GPC6: variants seen among roughly 807,000 people sequenced by gnomAD.
GPC6 encodes glypican-6.
In GPC6, 14 loss-of-function variants were observed where a neutral mutation model predicts 55.2. The observed-to-expected ratio is 0.25, with a 90% CI of 0.17 to 0.40. The LOEUF (loss-of-function observed/expected upper bound fraction) is 0.40, where lower values mean the gene tolerates loss of function less well. Among genes scored for constraint, GPC6 ranks in the 10% least tolerant of loss-of-function variants. The probability of loss-of-function intolerance (pLI) is 1.00; values close to 1 mark genes in which losing one functional copy is unlikely to be tolerated. For missense variants in GPC6, 641 were observed against 708.5 expected, an observed-to-expected ratio of 0.90 and a Z score of 1.08; for synonymous variants, 278 against 259.6, an observed-to-expected ratio of 1.07 and a Z score of -0.68.
upstream of GPC6, among the ~76,000 whole-genome samples, chr13:93,223,605 G>A (rs898271962): frequency 6.6e-6 from 1 of 151,772 alleles, no homozygotes; most frequent in African/African-American, 2.4e-5. Flanking sequence ...CATCACACCA[G>A]CGAATTTTTT....
chr13:94,150,662 C>T lies in GPC6; in HGVS notation c.877+122768C>T, dbSNP rs554526848. On this transcript the variant is annotated intron_variant, in intron 4 of 8. Transcript: ENST00000377047. ...GATAGGAAGCATTCTTTGATATCCA[C>T]GCTCCTAATAAATGTGGTTTAGCTG... 5.3e-5 allele frequency among the ~76,000 whole-genome samples: 8 copies of T among 151,738 alleles called. No homozygotes were observed. The South Asian group carries it at 8.3e-4, about 16-fold the overall frequency.
chr13:94,094,524 G>A (rs1174652144), intron 4 of GPC6, among the ~76,000 whole-genome samples: 1 of 152,110 alleles, frequency 6.6e-6, no homozygotes, highest in African/African-American at 2.4e-5. Flanking sequence ...TCCCATTGGT[G>A]ATGCCATTTC....
intron 3 of GPC6, among the ~76,000 whole-genome samples, chr13:94,020,682 T>C (rs1882661142): frequency 6.6e-6 from 1 of 152,192 alleles, no homozygotes. Flanking sequence ...TGTCCTTTTA[T>C]GGGTTCCCTT....
intron 6 of GPC6, among the ~76,000 whole-genome samples, chr13:94,341,526 C>T (rs1235773101): frequency 2.0e-5 from 3 of 148,270 alleles, no homozygotes; most frequent in South Asian, 2.1e-4. Flanking sequence ...TGGAGGTTGC[C>T]GTGAGACGAG....
chr13:93,365,127 T>C (rs968327637), intron 1 of GPC6, among the ~76,000 whole-genome samples: 1 of 152,148 alleles, frequency 6.6e-6, no homozygotes, highest in Non-Finnish European at 1.5e-5. Flanking sequence ...TCTGAAGCCA[T>C]GGACCAGCAT....
Position 94,392,467 on chromosome 13 carries a change from G to T in GPC6, c.1290-5999G>T, listed in dbSNP as rs1480015335. 2.2e-5 allele frequency among the ~76,000 whole-genome samples: 3 copies of T among 134,518 alleles called. 1 individual carries two copies. Among genetic ancestry groups the T allele is most frequent in the Non-Finnish European group, 1.6e-5 (1 of 64,434 alleles). 88.2% of individuals were successfully genotyped at this position (134,518 alleles called of 152,430 possible). ...TTTGGAGATGGAGTTTAGCTCTTGT[G>T]GCCCAGGCTGGAGTGCAATGGCCGT... On this transcript the variant is annotated intron_variant, in intron 7 of 8. Coordinates refer to ENST00000377047, the MANE Select transcript of GPC6 (RefSeq NM_005708.5).
intron 2 of GPC6, among the ~76,000 whole-genome samples, chr13:93,572,887 A>C (rs1036280454): frequency 6.6e-6 from 1 of 152,184 alleles, no homozygotes; most frequent in African/African-American, 2.4e-5. Context: ...TAGAAGAAGA[A>C]CTAAATTGGC....
At chr13:93,973,878 T>C (rs1880403620) in intron 3 of GPC6, among the ~76,000 whole-genome samples, 1 of 152,192 alleles carries the variant, frequency 6.6e-6, no homozygotes, top group African/African-American at 2.4e-5. Flanking sequence ...GAGAACTAGA[T>C]TTTAAATGAC....
At chr13:93,485,679 C>T (rs1413831100) in intron 1 of GPC6, among the ~76,000 whole-genome samples, 1 of 152,022 alleles carries the variant, frequency 6.6e-6, no homozygotes, top group Non-Finnish European at 1.5e-5. Flanking sequence ...TGGTACAATC[C>T]ACCAGGTGGA....
At chr13:93,232,805 A>G (rs1035246348) in intron 1 of GPC6, among the ~76,000 whole-genome samples, 2 of 152,172 alleles carry the variant, frequency 1.3e-5, no homozygotes, top group Non-Finnish European at 2.9e-5. Flanking sequence ...AAAATGACCT[A>G]ACTTCAATCA....
At chr13:94,185,481 T>C (rs1215711164) in intron 4 of GPC6, among the ~76,000 whole-genome samples, 2 of 151,904 alleles carry the variant, frequency 1.3e-5, no homozygotes, top group Non-Finnish European at 2.9e-5. Context: ...TTTATGTTTG[T>C]GTCATCTTGA....
chr13:93,334,237 G>A (rs931810274), intron 1 of GPC6, among the ~76,000 whole-genome samples: 4 of 152,070 alleles, frequency 2.6e-5, no homozygotes, highest in Non-Finnish European at 5.9e-5. Flanking sequence ...TTATCTGAAT[G>A]TGTAGCAAAA....
chr13:93,451,066 G>C (rs1431016099), intron 1 of GPC6, among the ~76,000 whole-genome samples: 1 of 152,200 alleles, frequency 6.6e-6, no homozygotes, highest in Non-Finnish European at 1.5e-5. Context: ...AGGAGCAAGT[G>C]ATTGGATAAG....
chr13:93,822,338 C>G (rs527487857), intron 2 of GPC6, among the ~76,000 whole-genome samples: 47 of 152,180 alleles, frequency 3.1e-4, no homozygotes, highest in African/African-American at 1.1e-3. Context: ...CAGAAGCCCC[C>G]GCTTTTAGGA....
chr13:93,670,797 T>G, intron 2 of GPC6, among the ~76,000 whole-genome samples: 1 of 152,200 alleles, frequency 6.6e-6, no homozygotes, highest in East Asian at 1.9e-4. Context: ...TAAATGCACT[T>G]AAGAAACAAA....
At chr13:93,745,013 A>G (rs1478149596) in intron 2 of GPC6, among the ~76,000 whole-genome samples, 3 of 151,896 alleles carry the variant, frequency 2.0e-5, no homozygotes, top group Non-Finnish European at 4.4e-5. Context: ...CAGTGGGGGA[A>G]CATAGCTCAT....
intron 1 of GPC6, among the ~76,000 whole-genome samples, chr13:93,294,171 G>A (rs1566283962): frequency 6.6e-6 from 1 of 152,018 alleles, no homozygotes; most frequent in Non-Finnish European, 1.5e-5. Context: ...TTTTTTATTT[G>A]AGAGTATCTT....
At chr13:93,596,988 T>C (rs1436606120) in intron 2 of GPC6, among the ~76,000 whole-genome samples, 3 of 123,684 alleles carry the variant, frequency 2.4e-5, no homozygotes, top group Non-Finnish European at 5.0e-5. Flanking sequence ...GAAGAACTTA[T>C]ATTTTAGTTC....
intron 3 of GPC6, among the ~76,000 whole-genome samples, chr13:93,940,996 A>G (rs1357441940): frequency 6.6e-6 from 1 of 152,230 alleles, no homozygotes; most frequent in South Asian, 2.1e-4. Flanking sequence ...TTAACATCAA[A>G]AAAGTTTTTG....
Sources: allele counts gnomAD v4.1 joint callset (sites outside exome capture counted in the v4.1 genomes callset), GRCh38; gene constraint gnomAD v4.1.1; transcripts MANE v1.5; gene names NCBI Gene and HGNC (gene_info 2026-07-23, HGNC 2026-07-21).